The following DPY19L2 variants were observed in gnomAD, a reference collection of about 807,000 sequenced individuals.
DPY19L2 encodes probable C-mannosyltransferase DPY19L2.
In DPY19L2, 34 loss-of-function variants were observed where a neutral mutation model predicts 97.9. That is an observed-to-expected ratio of 0.35 (90% confidence interval 0.26 to 0.46). The LOEUF is 0.46. Ranked by LOEUF, DPY19L2 falls within the 20% of genes least tolerant of loss-of-function variation. The probability of loss-of-function intolerance (pLI) is 1.00; values close to 1 mark genes in which losing one functional copy is unlikely to be tolerated. For missense variants in DPY19L2, 623 were observed against 911.4 expected (o/e 0.68, Z 4.07); for synonymous variants, 230 against 307.9 (o/e 0.75, Z 2.65).
chr12:63,570,287 A>G (rs558006076), intron 20 of DPY19L2, among the ~76,000 whole-genome samples: 12 of 152,344 alleles, frequency 7.9e-5, no homozygotes, highest in South Asian at 2.1e-4. Context: ...CACGTAATAT[A>G]TAATAGCAAC....
At chr12:63,645,522 G>A (rs1893301122) in intron 5 of DPY19L2, among the ~76,000 whole-genome samples, 1 of 151,946 alleles carries the variant, frequency 6.6e-6, no homozygotes, top group Admixed American at 6.6e-5. Context: ...GCCACTTGAT[G>A]TCCCCACTCT....
intron 6 of DPY19L2, among the ~76,000 whole-genome samples, chr12:63,642,369 G>A (rs998919055): frequency 1.3e-5 from 2 of 151,988 alleles, no homozygotes; most frequent in African/African-American, 4.8e-5. Flanking sequence ...TTCATGACTG[G>A]ATTTTTTTAT....
intron 14 of DPY19L2, among the ~76,000 whole-genome samples, 157 bp downstream of exon 14, chr12:63,597,652 C>CA (rs907325700): frequency 2.4e-4 from 34 of 144,298 alleles, no homozygotes; most frequent in African/African-American, 6.7e-4. Flanking sequence ...TTTTAACAGA[C>CA]AAAAAAAACA....
rs1020907664 is a variant in DPY19L2, at chr12:63,589,115, A to G, written c.1580+4972T>C. Among the ~76,000 whole-genome samples the G allele has an allele frequency of 5.3e-5, 8 of 152,042 alleles. No individual in the cohort carries two copies. The East Asian group carries it at 1.5e-3, about 29-fold the overall frequency. On this transcript the variant is annotated intron_variant, in intron 16 of 21. Transcript: ENST00000324472. ...TATACTAACAGTAAATGAAACAGTGAGACACTAAAGGCATTCTTCACTTTA... is the reference window on the plus strand; with the variant it reads ...TATACTAACAGTAAATGAAACAGTGGGACACTAAAGGCATTCTTCACTTTA...
At chr12:63,600,711 G>T (rs1243283717) in intron 12 of DPY19L2, among the ~76,000 whole-genome samples, 3 of 150,978 alleles carry the variant, frequency 2.0e-5, no homozygotes, top group Non-Finnish European at 4.4e-5. Context: ...ACAGAGGAAG[G>T]GGGGATTTGA....
intron 6 of DPY19L2, among the ~76,000 whole-genome samples, chr12:63,626,986 C>T (rs1224370342): frequency 1.3e-5 from 2 of 152,114 alleles, no homozygotes; most frequent in East Asian, 3.9e-4. Context: ...ACCATGTTGG[C>T]TAAGCTAGTC....
At chr12:63,645,893 A>C (rs932506313) in intron 5 of DPY19L2, among the ~76,000 whole-genome samples, 2 of 152,048 alleles carry the variant, frequency 1.3e-5, no homozygotes, top group African/African-American at 4.8e-5. Context: ...ACTCTGTTAA[A>C]ATTCTTCAAT....
chr12:63,665,962 G>A (rs1896287947), intron 1 of DPY19L2, 103 bp from the exon 2 acceptor site: 3 of 1,076,266 alleles, frequency 2.8e-6, no homozygotes, highest in Non-Finnish European at 4.0e-6. Context: ...TAGAAAGATA[G>A]CACACAAAGC....
intron 7 of DPY19L2, among the ~76,000 whole-genome samples, chr12:63,626,240 T>C (rs187874042): frequency 1.3e-5 from 2 of 151,664 alleles, no homozygotes; most frequent in Admixed American, 1.3e-4. Flanking sequence ...ACAGAATATA[T>C]GTATATGTAT....
chr12:63,587,669 T>G (rs1291464585), intron 16 of DPY19L2, among the ~76,000 whole-genome samples: 1 of 151,492 alleles, frequency 6.6e-6, no homozygotes, highest in African/African-American at 2.4e-5. Flanking sequence ...AACTCCTGGG[T>G]TCCAGCGATT....
chr12:63,605,425 T>C (rs1301761418), intron 12 of DPY19L2, among the ~76,000 whole-genome samples: 1 of 152,178 alleles, frequency 6.6e-6, no homozygotes, highest in Non-Finnish European at 1.5e-5. Flanking sequence ...GATGGCAGGC[T>C]GTGGTGTTTT....
At chr12:63,576,517 G>A (rs1879855275) in intron 19 of DPY19L2, among the ~76,000 whole-genome samples, 1 of 151,682 alleles carries the variant, frequency 6.6e-6, no homozygotes, top group South Asian at 2.1e-4. Context: ...ATTGTTTGCA[G>A]ATGATATGAT....
intron 19 of DPY19L2, among the ~76,000 whole-genome samples, chr12:63,577,402 G>A (rs1231170475): frequency 1.3e-5 from 2 of 151,848 alleles, no homozygotes; most frequent in African/African-American, 4.8e-5. Context: ...AAATACCTGG[G>A]AAGCACAGGC....
intron 16 of DPY19L2, among the ~76,000 whole-genome samples, chr12:63,590,709 A>T (rs183508621): frequency 6.7e-4 from 102 of 152,226 alleles, no homozygotes; most frequent in African/African-American, 2.3e-3. Flanking sequence ...AAAACATACA[A>T]AGCTACTTAC....
intron 18 of DPY19L2, among the ~76,000 whole-genome samples, chr12:63,581,992 A>G (rs1407210294): frequency 7.7e-6 from 1 of 129,872 alleles, no homozygotes; most frequent in Non-Finnish European, 1.7e-5. Context: ...GTAGAGATGG[A>G]GTTTCACCAT....
chr12:63,584,461 C>T (rs929673860), intron 16 of DPY19L2, among the ~76,000 whole-genome samples: 1 of 152,174 alleles, frequency 6.6e-6, no homozygotes, highest in Non-Finnish European at 1.5e-5. Context: ...TTACCTGTGG[C>T]TAACTGCAGT....
intron 6 of DPY19L2, among the ~76,000 whole-genome samples, chr12:63,637,263 A>C (rs1046375751): frequency 6.6e-6 from 1 of 152,170 alleles, no homozygotes; most frequent in Non-Finnish European, 1.5e-5. Flanking sequence ...ACATACCAGA[A>C]TCTCTGGGAC....
chr12:63,617,955 C>T (rs1005724913), intron 10 of DPY19L2, among the ~76,000 whole-genome samples, 196 bp downstream of exon 10: 5 of 152,028 alleles, frequency 3.3e-5, no homozygotes, highest in African/African-American at 1.2e-4. Context: ...AACACATCTA[C>T]AGTCCAGTTG....
rs189872338 is a variant in DPY19L2, at chr12:63,605,824, C to T, written c.1278+2792G>A. Among the ~76,000 whole-genome samples, 472 of 152,296 alleles carry T rather than the reference C, an allele frequency of 3.1e-3. 2 individuals carry two copies. The highest frequency in any genetic ancestry group is 0.01 in the Middle Eastern group (3 of 294). On this transcript the variant is annotated intron_variant, in intron 12 of 21. Coordinates refer to ENST00000324472, the MANE Select transcript of DPY19L2 (RefSeq NM_173812.5). ...ATCTGGTTTTTCTCATATAGATAGA[C>T]TATCCCAGCATCATTTAGTGACATG...
Sources: allele counts gnomAD v4.1 joint callset (sites outside exome capture counted in the v4.1 genomes callset), GRCh38; gene constraint gnomAD v4.1.1; transcripts MANE v1.5; gene names NCBI Gene and HGNC (gene_info 2026-07-23, HGNC 2026-07-21).